Variants in CSMD1 observed in about 807,000 individuals in gnomAD.
The protein encoded by CSMD1 is CUB and Sushi multiple domains 1, also known as CUB and sushi domain-containing protein 1.
In CSMD1, 213 loss-of-function variants were observed where a neutral mutation model predicts 417.5. The ratio of observed to expected loss-of-function variants is 0.51; its 90% confidence interval spans 0.46 to 0.57. The LOEUF (loss-of-function observed/expected upper bound fraction) is 0.57. Ranked by LOEUF, CSMD1 falls within the 20% of genes least tolerant of loss-of-function variation. The probability of loss-of-function intolerance (pLI) is 0.00; values close to 1 mark genes in which losing one functional copy is unlikely to be tolerated. For missense variants in CSMD1, 6,923 were observed against 4,529.7 expected (o/e 1.53, Z -15.17); for synonymous variants, 2,862 against 1,736.8 (o/e 1.65, Z -16.11).
chr8:4,343,059 G>C (rs1228426212), intron 3 of CSMD1, among the ~76,000 whole-genome samples: 1 of 152,032 alleles, frequency 6.6e-6, no homozygotes, highest in African/African-American at 2.4e-5. Flanking sequence ...AACATTTTAA[G>C]TTGCCTTCAA....
chr8:3,135,458 G>A (rs1818020393), intron 41 of CSMD1, among the ~76,000 whole-genome samples: 1 of 149,210 alleles, frequency 6.7e-6, no homozygotes, highest in African/African-American at 2.5e-5. Context: ...CTGACTCTGT[G>A]AACCGGCTTC....
Position 4,788,313 on chromosome 8 carries a change from T to G in CSMD1, c.86-150755A>C, listed in dbSNP as rs927565765. On this transcript the variant is annotated intron_variant, in intron 1 of 69. Transcript: ENST00000635120. Reference sequence around the variant, plus strand: ...GGCAGTGGCAGGCAGAAGTAATGGTTTGGGACCAGTGATGTCTGGGAACAC... The same window carrying G: ...GGCAGTGGCAGGCAGAAGTAATGGTGTGGGACCAGTGATGTCTGGGAACAC... 6.4e-5 allele frequency: 101 copies of G among 1,575,856 alleles called. No homozygotes were observed. The African/African-American group carries it at 1.3e-3, about 20-fold the overall frequency.
intron 26 of CSMD1, among the ~76,000 whole-genome samples, chr8:3,251,067 A>T (rs1469563173): frequency 7.2e-5 from 11 of 152,096 alleles, no homozygotes; most frequent in Non-Finnish European, 1.5e-4. Context: ...CTTTAGTTTA[A>T]TTAGATCCCG....
At chr8:3,802,702 T>C (rs1043074398) in intron 5 of CSMD1, among the ~76,000 whole-genome samples, 2 of 152,210 alleles carry the variant, frequency 1.3e-5, no homozygotes, top group Non-Finnish European at 2.9e-5. Flanking sequence ...TAAAATATAG[T>C]GCTTGACAAT....
intron 1 of CSMD1, among the ~76,000 whole-genome samples, chr8:4,784,912 T>G (rs181016290): frequency 6.6e-6 from 1 of 152,164 alleles, no homozygotes; most frequent in African/African-American, 2.4e-5. Context: ...CTGACAGCAT[T>G]GAAAGTTTAT....
At chr8:3,743,494 G>C (rs1372070342) in intron 6 of CSMD1, among the ~76,000 whole-genome samples, 1 of 152,160 alleles carries the variant, frequency 6.6e-6, no homozygotes, top group Non-Finnish European at 1.5e-5. Context: ...ACTGGAAAAA[G>C]TTTCTTCAAA....
chr8:4,335,919 T>C (rs1282792480), intron 3 of CSMD1, among the ~76,000 whole-genome samples: 2 of 151,982 alleles, frequency 1.3e-5, no homozygotes, highest in Non-Finnish European at 2.9e-5. Flanking sequence ...TCAAAAATAG[T>C]GAGGGAGCCC....
chr8:4,939,211 A>T (rs945125102), intron 1 of CSMD1, among the ~76,000 whole-genome samples: 2 of 152,240 alleles, frequency 1.3e-5, no homozygotes, highest in African/African-American at 4.8e-5. Context: ...GTGGGAATGT[A>T]AATTAGTAAA....
At chr8:3,264,942 C>T (rs1020794331) in intron 26 of CSMD1, among the ~76,000 whole-genome samples, 4 of 152,012 alleles carry the variant, frequency 2.6e-5, no homozygotes, top group African/African-American at 7.2e-5. Flanking sequence ...CTTATATATT[C>T]TTTAATAACG....
At chr8:3,134,404 G>C (rs1817963118) in intron 41 of CSMD1, among the ~76,000 whole-genome samples, 1 of 152,146 alleles carries the variant, frequency 6.6e-6, no homozygotes, top group African/African-American at 2.4e-5. Context: ...GGCATGCGCT[G>C]CAAGTCCTTG....
intron 5 of CSMD1, among the ~76,000 whole-genome samples, chr8:3,792,119 C>A (rs554277101): frequency 1.3e-5 from 2 of 152,102 alleles, no homozygotes; most frequent in Non-Finnish European, 2.9e-5. Context: ...AATAGGGAGA[C>A]CCTGTCTCTA....
intron 2 of CSMD1, among the ~76,000 whole-genome samples, chr8:4,425,569 C>T (rs780437894): frequency 6.6e-6 from 1 of 152,058 alleles, no homozygotes; most frequent in Non-Finnish European, 1.5e-5. Flanking sequence ...TGGTGGCTCA[C>T]AAATGTGCTC....
chr8:3,778,271 G>A (rs1307866171), intron 5 of CSMD1, among the ~76,000 whole-genome samples: 2 of 152,042 alleles, frequency 1.3e-5, no homozygotes, highest in African/African-American at 4.8e-5. Context: ...CATTCTATTT[G>A]CCTGTCAGTA....
chr8:3,806,561 A>G (rs926359596), intron 5 of CSMD1, among the ~76,000 whole-genome samples: 5 of 152,196 alleles, frequency 3.3e-5, no homozygotes, highest in Non-Finnish European at 7.3e-5. Context: ...CACACTTATC[A>G]TAGAAATGTA....
chr8:3,871,525 G>A (rs905884615), intron 5 of CSMD1, among the ~76,000 whole-genome samples: 3 of 152,052 alleles, frequency 2.0e-5, no homozygotes, highest in Admixed American at 6.5e-5. Flanking sequence ...AATGAATAAT[G>A]CTTGATTTTA....
intron 3 of CSMD1, among the ~76,000 whole-genome samples, chr8:4,069,833 A>T (rs572347422): frequency 6.6e-6 from 1 of 152,346 alleles, no homozygotes; most frequent in South Asian, 2.1e-4. Flanking sequence ...GAATATCGAA[A>T]TGAAGACTTC....
chr8:4,127,463 A>ATG (rs1802833486), intron 3 of CSMD1, among the ~76,000 whole-genome samples: 1 of 105,398 alleles, frequency 9.5e-6, no homozygotes, highest in African/African-American at 3.5e-5. Flanking sequence ...GAAAAAAAAA[A>ATG]AAAAAAAAAA....
intron 15 of CSMD1, among the ~76,000 whole-genome samples, chr8:3,403,797 A>C (rs908815167): frequency 7.9e-5 from 12 of 152,214 alleles, no homozygotes; most frequent in Admixed American, 6.5e-4. Flanking sequence ...CATATCTTTG[A>C]GCACCACATG....
intron 3 of CSMD1, among the ~76,000 whole-genome samples, chr8:4,302,155 TA>T (rs1798012747): frequency 6.6e-6 from 1 of 152,196 alleles, no homozygotes; most frequent in African/African-American, 2.4e-5. Context: ...TTTATGGACT[TA>T]AGGCCAATTG....
Sources: gnomAD v4.1 joint callset for allele counts (sites outside exome capture counted in the v4.1 genomes callset) on GRCh38, gnomAD v4.1.1 for gene constraint, MANE v1.5 for transcripts, NCBI Gene and HGNC (gene_info 2026-07-23, HGNC 2026-07-21) for gene names.